The following LRRC52 variants were observed in gnomAD, a reference collection of about 807,000 sequenced individuals.
LRRC52 encodes the protein leucine-rich repeat-containing protein 52.
In LRRC52, 15 loss-of-function variants were observed where a neutral mutation model predicts 14.7. That is an observed-to-expected ratio of 1.02 (90% CI 0.68 to 1.58). The LOEUF is 1.58. LRRC52 is among the 40% of genes most tolerant of loss of function. LRRC52 has a pLI of 0.00. For missense variants in LRRC52, 400 were observed against 387.7 expected, an observed-to-expected ratio of 1.03 and a Z score of -0.27; for synonymous variants, 180 against 163.9, an observed-to-expected ratio of 1.10 and a Z score of -0.75.
At position 165,544,312 on chromosome 1, in the gene LRRC52, G is replaced by A. The variant is rs1447498393; in HGVS notation, c.16G>A (p.Gly6Ser). 4.3e-6 allele frequency: 7 copies of A among 1,611,742 alleles called. No homozygotes were observed. Among genetic ancestry groups the A allele is most frequent in the East Asian group, 2.2e-5 (1 of 44,786 alleles). MSLASGPGPGWLLFSF... is the reference protein window; with the variant it reads MSLASSPGPGWLLFSF... The stretch of plus-strand genomic sequence containing the variant: ...GCTTCTTACTATGTCCCTTGCTTCA[G>A]GCCCTGGCCCTGGGTGGTTACTCTT... The change falls in exon 1 of 2, where the codon GGC becomes AGC. Residue 6 changes from glycine to serine, a missense_variant. Physicochemically the swap from Gly to Ser is moderately conservative, Grantham distance 56. Coordinates refer to ENST00000294818, the MANE Select transcript of LRRC52 (RefSeq NM_001005214.4).
chr1:165,544,110 A>G lies in LRRC52; in HGVS notation c.-187A>G. The G allele has an allele frequency of 1.4e-6, 1 of 699,298 alleles. No homozygotes were observed. The highest frequency in any genetic ancestry group is 2.3e-6 in the Non-Finnish European group (1 of 428,376). The allele number at this position is 699,298 out of a possible 1,614,324, so 43.3% of individuals were successfully genotyped here. A position where few individuals can be genotyped will look rare whatever the true frequency, so the allele number is the denominator to read the frequency against. On this transcript the variant is annotated 5_prime_UTR_variant, in exon 1 of 2. Coordinates refer to ENST00000294818, the MANE Select transcript of LRRC52 (RefSeq NM_001005214.4). ...CGACAGAGCCACCAAGCTGGGCGGC[A>G]GGGCATTGAGCCTCGCGTTTCAATT... is the stretch of plus-strand genomic sequence containing the variant.
chr1:165,544,201 GAGCCCCTCCCC>G lies in LRRC52; in HGVS notation c.-95_-85del, dbSNP rs376287949. On this transcript the variant is annotated 5_prime_UTR_variant, in exon 1 of 2. Transcript: ENST00000294818. ...AGCTAAAGTGTTACAGTTCTTTCCA[GAGCCCCTCCCC>G]CGCCCCACCCCCCCACCGGCAGCCT... 6.2e-3 allele frequency: 7,688 copies of G among 1,236,022 alleles called. 948 individuals are homozygous for G. The African/African-American group carries it at 0.089, about 14-fold the overall frequency. The allele number at this position is 1,236,022 out of a possible 1,614,324, so 76.6% of individuals were successfully genotyped here.
intron 1 of LRRC52, among the ~76,000 whole-genome samples, chr1:165,557,583 G>A (rs1026374585): frequency 6.6e-6 from 1 of 152,146 alleles, no homozygotes; most frequent in Non-Finnish European, 1.5e-5. Context: ...TCTAATGAGT[G>A]GAGTCAGAAA....
chr1:165,557,080 G>T (rs1174353235), intron 1 of LRRC52, among the ~76,000 whole-genome samples: 2 of 152,160 alleles, frequency 1.3e-5, no homozygotes, highest in East Asian at 3.8e-4. Context: ...GGATACAAGA[G>T]TACAGAAAAA....
chr1:165,545,819 T>C (rs72693832), intron 1 of LRRC52, among the ~76,000 whole-genome samples: 14,470 of 152,126 alleles, frequency 0.095, 768 homozygotes, highest in Non-Finnish European at 0.11. Flanking sequence ...TTCAGAAAAA[T>C]GAGAAATAAC....
chr1:165,557,887 C>A (rs774089623), intron 1 of LRRC52, among the ~76,000 whole-genome samples: 2 of 152,182 alleles, frequency 1.3e-5, no homozygotes, highest in Admixed American at 6.5e-5. Flanking sequence ...CCAGTCAGCC[C>A]AGAAGGTTCC....
At chr1:165,545,168 C>T (rs72693830) in intron 1 of LRRC52, among the ~76,000 whole-genome samples, 6,669 of 152,194 alleles carry the variant, frequency 0.044, 196 homozygotes, top group Admixed American at 0.081. Context: ...GAAAATGTCA[C>T]CATTTCTCTG....
chr1:165,557,343 T>C (rs1661256286), intron 1 of LRRC52, among the ~76,000 whole-genome samples: 1 of 152,108 alleles, frequency 6.6e-6, no homozygotes, highest in Non-Finnish European at 1.5e-5. Flanking sequence ...TAGGGATTGG[T>C]ACTCACCCAG....
At chr1:165,555,462 A>T (rs1571109976) in intron 1 of LRRC52, among the ~76,000 whole-genome samples, 1 of 152,328 alleles carries the variant, frequency 6.6e-6, no homozygotes, top group East Asian at 1.9e-4. Context: ...CGTAGGGTAG[A>T]TAGGCCATGG....
chr1:165,547,032 C>T lies in LRRC52; in HGVS notation c.622+2114C>T, dbSNP rs74120738. ...ATTTGCTCATCTCCCTCCATTTTTC[C>T]ACACATGGTACCTCATTTCCTTTAG... On this transcript the variant is annotated intron_variant, in intron 1 of 1. Transcript: ENST00000294818. 6.5e-3 allele frequency among the ~76,000 whole-genome samples: 987 copies of T among 152,142 alleles called. 3 individuals carry two copies. Among genetic ancestry groups the T allele is most frequent in the African/African-American group, 0.022 (923 of 41,516 alleles).
Position 165,544,532 on chromosome 1 carries a change from T to G in LRRC52, c.236T>G (p.Leu79Arg). ...ATGCATCTAGGACTCCTCAGTGACC[T>G]TGTTTATTTGGACTGTCAGAACAAC... The part of the protein sequence containing the change: ...PAMHLGLLSD[L>R]VYLDCQNNRI... Residue 79 changes from leucine to arginine, a missense_variant, in exon 1 of 2, where the codon CTT (leucine) becomes CGT (arginine). Physicochemically the swap from Leu to Arg is moderately radical, Grantham distance 102. Coordinates refer to ENST00000294818, the MANE Select transcript of LRRC52 (RefSeq NM_001005214.4). The G allele has an allele frequency of 2.5e-6, 4 of 1,614,146 alleles. No homozygotes were observed. The South Asian group carries it at 4.4e-5, about 18-fold the overall frequency.
At chr1:165,551,793 A>G (rs769838241) in intron 1 of LRRC52, among the ~76,000 whole-genome samples, 46 of 152,054 alleles carry the variant, frequency 3.0e-4, no homozygotes, top group Non-Finnish European at 5.1e-4. Flanking sequence ...AGGTTATATC[A>G]TCCTGTATTC....
intron 1 of LRRC52, among the ~76,000 whole-genome samples, chr1:165,552,062 G>T (rs111615681): frequency 0.012 from 1,847 of 152,036 alleles, 27 homozygotes; most frequent in Non-Finnish European, 0.017. Context: ...CCTCCTGAGG[G>T]CAAGGAGGGG....
intron 1 of LRRC52, among the ~76,000 whole-genome samples, chr1:165,554,390 C>CCTAATCTG (rs1453549126): frequency 6.6e-6 from 1 of 152,042 alleles, no homozygotes; most frequent in African/African-American, 2.4e-5. Context: ...ATAAAAAACA[C>CCTAATCTG]CTAATCTGCT....
intron 1 of LRRC52, among the ~76,000 whole-genome samples, chr1:165,549,168 C>T (rs538231486): frequency 1.3e-5 from 2 of 152,314 alleles, no homozygotes; most frequent in East Asian, 3.9e-4. Context: ...AAAGCAGAAG[C>T]TCAAATCAAG....
chr1:165,563,075 G>C (rs1286977679), intron 1 of LRRC52, among the ~76,000 whole-genome samples: 2 of 152,248 alleles, frequency 1.3e-5, no homozygotes, highest in African/African-American at 4.8e-5. Context: ...AGGCAAGGGA[G>C]GGGCAAGAGG....
chr1:165,544,917 AG>A lies in LRRC52; in HGVS notation c.622+1del, dbSNP rs1660986855. The A allele has an allele frequency of 6.2e-7, 1 of 1,612,838 alleles. No individual in the cohort carries two copies. The highest frequency in any genetic ancestry group is 8.5e-7 in the Non-Finnish European group (1 of 1,178,982). On this transcript the variant is annotated frameshift_variant and splice_region_variant, in exon 1 of 2. Coordinates refer to ENST00000294818, the MANE Select transcript of LRRC52 (RefSeq NM_001005214.4). LOFTEE classifies it low-confidence loss of function (END_TRUNC). ...TAATAGTGTTCCATATGGACCCCTC[AG>A]GTGAGGGCTTGATTGGGTGTGGGGA... is the stretch of plus-strand genomic sequence containing the variant. ...FLIVFHMDPS[D>X]DLNATCVEPT...
rs572631482 is a variant in LRRC52 at position 165,561,043 on chromosome 1, G to A, written c.623-2462G>A. ...AGGAAACAATGGAGATAGGGAGCCC[G>A]GGAGGGGAGAGCCCAAATCTTGGCA... On this transcript the variant is annotated intron_variant, in intron 1 of 1. Transcript: ENST00000294818. 5.9e-5 allele frequency among the ~76,000 whole-genome samples: 9 copies of A among 152,230 alleles called. No homozygotes were observed. The South Asian group carries it at 1.2e-3, about 21-fold the overall frequency.
At chr1:165,558,757 A>T (rs973834253) in intron 1 of LRRC52, among the ~76,000 whole-genome samples, 9 of 151,490 alleles carry the variant, frequency 5.9e-5, no homozygotes, top group Non-Finnish European at 1.2e-4. Context: ...AAATCCAAAT[A>T]TATCAGTAAT....
Sources: gnomAD v4.1 joint callset for allele counts (sites outside exome capture counted in the v4.1 genomes callset) on GRCh38, gnomAD v4.1.1 for gene constraint, MANE v1.5 for transcripts, NCBI Gene and HGNC (gene_info 2026-07-23, HGNC 2026-07-21) for gene names.